The following FMN2 variants were observed in gnomAD, a reference collection of about 807,000 sequenced individuals.
The protein encoded by FMN2 is formin-2.
In FMN2, 51 loss-of-function variants were observed where a neutral mutation model predicts 142.3. The observed-to-expected ratio is 0.36, with a 90% confidence interval of 0.29 to 0.45. FMN2 has a LOEUF of 0.45. Ranked by LOEUF, FMN2 falls within the 20% of genes least tolerant of loss-of-function variation. The probability of loss-of-function intolerance (pLI) is 1.00; values close to 1 mark genes in which losing one functional copy is unlikely to be tolerated. For synonymous variants in FMN2, 882 were observed against 869.8 expected (o/e 1.01, Z -0.25); for missense variants, 1,936 against 2,122.8 (o/e 0.91, Z 1.73).
intron 13 of FMN2, among the ~76,000 whole-genome samples, chr1:240,342,078 C>T (rs1351928739): frequency 1.3e-5 from 2 of 152,194 alleles, no homozygotes; most frequent in Non-Finnish European, 2.9e-5. Flanking sequence ...TCTATTCCTC[C>T]ACGATCATAG....
At chr1:240,221,689 G>T (rs567070899) in intron 6 of FMN2, among the ~76,000 whole-genome samples, 75 of 152,074 alleles carry the variant, frequency 4.9e-4, no homozygotes, top group African/African-American at 1.7e-3. Flanking sequence ...TCGGTTGCCT[G>T]TTCACTCTGA....
At position 240,092,310 on chromosome 1, in the gene FMN2, G is replaced by C. The variant is rs1661005787; in HGVS notation, c.201G>C (p.Lys67Asn). The change falls in exon 1 of 18, where the codon AAG becomes AAC. Residue 67 changes from lysine to asparagine, a missense_variant. Coordinates refer to ENST00000319653, the MANE Select transcript of FMN2 (RefSeq NM_020066.5). ...GGGESGKKKSKSDSRASVFSN... is the reference protein window; with the variant it reads ...GGGESGKKKSNSDSRASVFSN... ...GGGAGTCGGGCAAGAAGAAGAGCAAGTCCGACTCCAGAGCCTCGGTGTTTT... is the reference window on the plus strand; with the variant it reads ...GGGAGTCGGGCAAGAAGAAGAGCAACTCCGACTCCAGAGCCTCGGTGTTTT... 6.2e-7 allele frequency: 1 copy of C among 1,601,504 alleles called. No homozygotes were observed. The highest frequency in any genetic ancestry group is 1.1e-5 in the South Asian group (1 of 89,904).
chr1:240,273,298 C>T (rs1669083963), intron 7 of FMN2, among the ~76,000 whole-genome samples: 1 of 152,158 alleles, frequency 6.6e-6, no homozygotes, highest in Non-Finnish European at 1.5e-5. Context: ...AGACTTGCAA[C>T]AACTGTATGA....
chr1:240,436,574 G>A (rs533170890), intron 15 of FMN2, among the ~76,000 whole-genome samples: 22 of 152,136 alleles, frequency 1.4e-4, no homozygotes, highest in African/African-American at 5.3e-4. Flanking sequence ...CTATTTGGGA[G>A]GCTGAGGCAG....
chr1:240,246,823 A>T (rs1416459631), intron 6 of FMN2, among the ~76,000 whole-genome samples: 1 of 152,234 alleles, frequency 6.6e-6, no homozygotes, highest in East Asian at 1.9e-4. Flanking sequence ...AGCAGATTCA[A>T]GATAATTCTT....
Position 240,093,179 on chromosome 1 carries a change from C to A in FMN2, c.1070C>A (p.Ala357Glu), listed in dbSNP as rs917891790. Residue 357 changes from alanine (A) to glutamate (E), a missense_variant, in exon 1 of 18, where the codon GCG becomes GAG. This residue lies in a region of FMN2 where 751 missense variants were observed against 791.8 expected (regional missense o/e 0.95). Coordinates refer to ENST00000319653, the MANE Select transcript of FMN2 (RefSeq NM_020066.5). ...EEGEEDAFED[A>E]PRGSPGEEWA... Reference sequence around the variant, plus strand: ...GGTGAGGAGGATGCTTTTGAGGATGCGCCCCGGGGCTCTCCGGGGGAGGAG... The same window carrying A: ...GGTGAGGAGGATGCTTTTGAGGATGAGCCCCGGGGCTCTCCGGGGGAGGAG... 1 of 1,450,584 alleles carries A rather than the reference C, an allele frequency of 6.9e-7. No individual in the cohort carries two copies. Among genetic ancestry groups the A allele is most frequent in the Non-Finnish European group, 9.0e-7 (1 of 1,105,382 alleles). 89.9% of individuals were successfully genotyped at this position (1,450,584 alleles called of 1,614,324 possible). A position where few individuals can be genotyped will look rare whatever the true frequency, so the allele number is the denominator to read the frequency against.
At chr1:240,220,193 A>C (rs1486338098) in intron 6 of FMN2, among the ~76,000 whole-genome samples, 1 of 152,138 alleles carries the variant, frequency 6.6e-6, no homozygotes, top group Admixed American at 6.5e-5. Context: ...TCCTAAGGGC[A>C]CACAGGAAAC....
chr1:240,428,801 CTAT>C lies in FMN2; in HGVS notation c.4911-9254_4911-9252del, dbSNP rs571921450. On this transcript the variant is annotated intron_variant, in intron 15 of 17. Coordinates refer to ENST00000319653, the MANE Select transcript of FMN2 (RefSeq NM_020066.5). ...TTACAAGAATACAACATATTGTTAA[CTAT>C]TATTACTGTGTTGTATAATAGAGCT... 1.4e-4 allele frequency among the ~76,000 whole-genome samples: 21 copies of C among 152,286 alleles called. No individual in the cohort carries two copies. The South Asian group carries it at 4.1e-3, about 30-fold the overall frequency.
intron 6 of FMN2, among the ~76,000 whole-genome samples, chr1:240,253,656 T>G (rs1387131004): frequency 2.0e-5 from 3 of 152,232 alleles, no homozygotes; most frequent in African/African-American, 7.2e-5. Flanking sequence ...AGGTGTAATA[T>G]CTCTTTGTTT....
intron 4 of FMN2, among the ~76,000 whole-genome samples, chr1:240,197,984 G>GA (rs375423251): frequency 2.6e-3 from 388 of 152,060 alleles, no homozygotes; most frequent in African/African-American, 9.0e-3. Context: ...GATTTTTCTT[G>GA]AAAAAACAAA....
chr1:240,346,598 T>C (rs532185325), intron 13 of FMN2, among the ~76,000 whole-genome samples: 1 of 152,318 alleles, frequency 6.6e-6, no homozygotes, highest in Admixed American at 6.5e-5. Context: ...ATTGGCTATG[T>C]TCTGCTTCTT....
At chr1:240,254,338 G>A (rs1176422421) in intron 6 of FMN2, among the ~76,000 whole-genome samples, 1 of 152,006 alleles carries the variant, frequency 6.6e-6, no homozygotes, top group Non-Finnish European at 1.5e-5. Context: ...TTAGCAGTAG[G>A]TTGGGTGGGT....
At chr1:240,096,907 G>C (rs1272772181) in intron 1 of FMN2, among the ~76,000 whole-genome samples, 2 of 152,092 alleles carry the variant, frequency 1.3e-5, no homozygotes, top group Non-Finnish European at 1.5e-5. Flanking sequence ...TGATGCCTTA[G>C]GCCATTGCAT....
At chr1:240,174,365 G>GT (rs1192277226) in intron 2 of FMN2, among the ~76,000 whole-genome samples, 10 of 151,914 alleles carry the variant, frequency 6.6e-5, no homozygotes, top group Non-Finnish European at 1.5e-4. Context: ...TTTTCTTTCT[G>GT]TTTTTTTGAG....
In FMN2 at chr1:240,181,518, C is replaced by T. The variant is rs148713876; in HGVS notation, c.1930+3450C>T. On this transcript the variant is annotated intron_variant, in intron 3 of 17. Transcript: ENST00000319653. The stretch of plus-strand genomic sequence containing the variant: ...CCCTTCTTTGTATGAATTGGAAGGG[C>T]TGAGGCCATGGTGAGGTCTTGGTGC... 4.6e-5 allele frequency among the ~76,000 whole-genome samples: 7 copies of T among 152,244 alleles called. No homozygotes were observed. The East Asian group carries it at 1.4e-3, about 29-fold the overall frequency.
chr1:240,190,042 A>C (rs1350926101), intron 4 of FMN2, among the ~76,000 whole-genome samples: 1 of 152,250 alleles, frequency 6.6e-6, no homozygotes, highest in Non-Finnish European at 1.5e-5. Context: ...ATGATAAAAC[A>C]TGTACAGCAT....
intron 15 of FMN2, among the ~76,000 whole-genome samples, chr1:240,408,765 A>G (rs1674297064): frequency 6.6e-6 from 1 of 152,172 alleles, no homozygotes; most frequent in African/African-American, 2.4e-5. Context: ...TCAATAAACT[A>G]TGATTAGTTT....
At chr1:240,418,757 T>C (rs980622023) in intron 15 of FMN2, among the ~76,000 whole-genome samples, 1 of 152,212 alleles carries the variant, frequency 6.6e-6, no homozygotes, top group Non-Finnish European at 1.5e-5. Context: ...CTCTTAAATA[T>C]TCAGTATCTT....
At position 240,143,327 on chromosome 1, in the gene FMN2, G is replaced by A. The variant is rs937551766; in HGVS notation, c.1782+19982G>A. On this transcript the variant is annotated intron_variant, in intron 2 of 17. Transcript: ENST00000319653. ...GCCAGTGCTAAAGGTACAGCCCTCC[G>A]GAGTGCAGGCTCCCCATATCTCAGC... 24 of 1,501,476 alleles carry A rather than the reference G, an allele frequency of 1.6e-5. 1 individual carries two copies. In the Middle Eastern group the frequency reaches 5.1e-4, roughly 32 times the overall value. The allele number at this position is 1,501,476 out of a possible 1,614,324, so 93.0% of individuals were successfully genotyped here.
Sources: gnomAD v4.1 joint callset for allele counts (sites outside exome capture counted in the v4.1 genomes callset) on GRCh38, gnomAD v4.1.1 for gene constraint, gnomAD v4.1.1 regional missense constraint, MANE v1.5 for transcripts, NCBI Gene and HGNC (gene_info 2026-07-23, HGNC 2026-07-21) for gene names.